MYO3B: variants seen among roughly 807,000 people sequenced by gnomAD.
MYO3B encodes the protein myosin IIIB, also known as myosin-IIIb.
MYO3B carries 156 observed loss-of-function variants against 174.6 expected under a neutral mutation model. The observed-to-expected ratio is 0.89, with a 90% CI of 0.78 to 1.02. MYO3B has a LOEUF of 1.02. Among genes scored for constraint, MYO3B ranks in the 50% least tolerant of loss-of-function variants. The pLI, the probability that MYO3B is intolerant of heterozygous loss-of-function variation, is 0.00. For missense variants in MYO3B, 1,632 were observed against 1,639.4 expected (o/e 1.00, Z 0.08); for synonymous variants, 563 against 569.1 (o/e 0.99, Z 0.15).
At chr2:170,436,175 C>G (rs2094752289) in intron 22 of MYO3B, among the ~76,000 whole-genome samples, 1 of 152,142 alleles carries the variant, frequency 6.6e-6, no homozygotes, top group Non-Finnish European at 1.5e-5. Flanking sequence ...CAACACAGGA[C>G]ACATGTTGGT....
intron 17 of MYO3B, among the ~76,000 whole-genome samples, chr2:170,401,277 C>T (rs1366141230): frequency 6.6e-6 from 1 of 152,072 alleles, no homozygotes; most frequent in East Asian, 1.9e-4. Context: ...CATCAAGCAT[C>T]TATGAAGTAA....
chr2:170,647,389 A>C (rs1698471795), intron 32 of MYO3B, among the ~76,000 whole-genome samples: 1 of 152,210 alleles, frequency 6.6e-6, no homozygotes, highest in Non-Finnish European at 1.5e-5. Flanking sequence ...GTCTGTATTT[A>C]AGTTATATTT....
chr2:170,536,813 C>G (rs570099966), intron 30 of MYO3B, among the ~76,000 whole-genome samples: 11 of 152,246 alleles, frequency 7.2e-5, no homozygotes, highest in African/African-American at 2.4e-4. Flanking sequence ...TTTCTATTAT[C>G]TCTTATGGTA....
intron 17 of MYO3B, 80 bp from the exon 18 acceptor site, chr2:170,401,401 T>C (rs2094474923): frequency 7.6e-7 from 1 of 1,308,908 alleles, no homozygotes; most frequent in Non-Finnish European, 1.1e-6. Context: ...TGGCACATAG[T>C]AGATGTTGAA....
At chr2:170,622,785 A>AC (rs1696047177) in intron 32 of MYO3B, among the ~76,000 whole-genome samples, 1 of 47,834 alleles carries the variant, frequency 2.1e-5, no homozygotes, top group Non-Finnish European at 5.7e-5. Flanking sequence ...TGGTGTTCTC[A>AC]TTGTTCAATT....
chr2:170,484,178 G>A (rs934861), intron 25 of MYO3B, among the ~76,000 whole-genome samples: 70,591 of 151,898 alleles, frequency 0.46, 16,858 homozygotes, highest in African/African-American at 0.56. Flanking sequence ...AGGGTTTTAC[G>A]TATATCATCT....
At chr2:170,500,297 G>A (rs1265542931) in intron 27 of MYO3B, among the ~76,000 whole-genome samples, 3 of 152,196 alleles carry the variant, frequency 2.0e-5, no homozygotes, top group Non-Finnish European at 4.4e-5. Flanking sequence ...AAGATTCAAA[G>A]GTTTACGAGG....
chr2:170,521,886 A>AG (rs1688689993), intron 30 of MYO3B, among the ~76,000 whole-genome samples: 2 of 152,076 alleles, frequency 1.3e-5, no homozygotes, highest in South Asian at 4.2e-4. Context: ...CCCTAAAACT[A>AG]TTCTTGGGAA....
intron 28 of MYO3B, among the ~76,000 whole-genome samples, chr2:170,509,932 T>C (rs915976908): frequency 2.6e-5 from 4 of 152,186 alleles, no homozygotes; most frequent in African/African-American, 9.7e-5. Context: ...CGACAGCCGT[T>C]TGGCCGGGAG....
chr2:170,238,772 A>G (rs2093099677), intron 7 of MYO3B, among the ~76,000 whole-genome samples: 2 of 152,224 alleles, frequency 1.3e-5, no homozygotes, highest in Non-Finnish European at 2.9e-5. Flanking sequence ...GTAATTAGGA[A>G]GGTTCCCTGG....
intron 32 of MYO3B, among the ~76,000 whole-genome samples, chr2:170,603,262 T>C (rs964488698): frequency 1.3e-5 from 2 of 151,986 alleles, no homozygotes; most frequent in Non-Finnish European, 2.9e-5. Flanking sequence ...GAAGTCTTAG[T>C]ATTGTTTGAA....
intron 6 of MYO3B, among the ~76,000 whole-genome samples, chr2:170,218,607 TCTC>T (rs1257979455): frequency 6.6e-6 from 1 of 152,208 alleles, no homozygotes; most frequent in Non-Finnish European, 1.5e-5. Context: ...GCTACTCAGT[TCTC>T]CTACTACTTT....
chr2:170,353,619 G>A (rs939621174), intron 8 of MYO3B, among the ~76,000 whole-genome samples: 1 of 152,140 alleles, frequency 6.6e-6, no homozygotes, highest in African/African-American at 2.4e-5. Flanking sequence ...ATGTACAGGT[G>A]GGGGATGTTG....
intron 22 of MYO3B, among the ~76,000 whole-genome samples, chr2:170,434,406 T>C (rs2094735422): frequency 6.6e-6 from 1 of 152,150 alleles, no homozygotes; most frequent in African/African-American, 2.4e-5. Context: ...CCCTTACAGA[T>C]GGAACAATGG....
intron 25 of MYO3B, among the ~76,000 whole-genome samples, chr2:170,496,345 A>G (rs1009232287): frequency 1.1e-4 from 17 of 152,148 alleles, no homozygotes; most frequent in African/African-American, 3.9e-4. Flanking sequence ...GGGGGGAGGG[A>G]TATCTTTCAC....
intron 7 of MYO3B, among the ~76,000 whole-genome samples, chr2:170,297,251 C>T (rs935447576): frequency 2.0e-5 from 3 of 151,998 alleles, no homozygotes; most frequent in Admixed American, 2.0e-4. Flanking sequence ...CCCCCAATAC[C>T]CCTTCCATAT....
intron 7 of MYO3B, among the ~76,000 whole-genome samples, chr2:170,316,890 TG>T (rs2093779632): frequency 6.6e-6 from 1 of 152,212 alleles, no homozygotes; most frequent in African/African-American, 2.4e-5. Context: ...AAGATGGCAC[TG>T]CTCATCTAAA....
At chr2:170,410,437 C>T (rs1354826183) in intron 22 of MYO3B, among the ~76,000 whole-genome samples, 1 of 151,782 alleles carries the variant, frequency 6.6e-6, no homozygotes, top group Non-Finnish European at 1.5e-5. Context: ...AAAAATTAGC[C>T]GGGTGTGGTG....
intron 22 of MYO3B, among the ~76,000 whole-genome samples, chr2:170,433,878 T>A (rs533533442): frequency 6.6e-6 from 1 of 152,354 alleles, no homozygotes; most frequent in African/African-American, 2.4e-5. Flanking sequence ...TGACTGTATA[T>A]AAATTATCCA....
Sources: gnomAD v4.1 joint callset for allele counts (sites outside exome capture counted in the v4.1 genomes callset) on GRCh38, gnomAD v4.1.1 for gene constraint, MANE v1.5 for transcripts, NCBI Gene and HGNC (gene_info 2026-07-23, HGNC 2026-07-21) for gene names.